RGS8: variants seen among roughly 807,000 people sequenced by gnomAD.
RGS8 encodes the protein regulator of G-protein signaling 8.
Under a neutral mutation model 21.7 loss-of-function variants are expected in RGS8, and 8 were observed. The ratio of observed to expected loss-of-function variants is 0.37; its 90% CI spans 0.22 to 0.66. RGS8 has a LOEUF of 0.66. Among genes scored for constraint, RGS8 ranks in the 30% least tolerant of loss-of-function variants. The pLI, the probability that RGS8 is intolerant of heterozygous loss-of-function variation, is 0.59. For synonymous variants in RGS8, 80 were observed against 83.6 expected (o/e 0.96, Z 0.24); for missense variants, 157 against 217.9 (o/e 0.72, Z 1.76).
chr1:182,642,901 T>G (rs1662529303), downstream of RGS8: 1 of 152,096 alleles, frequency 6.6e-6, no homozygotes, highest in Non-Finnish European at 1.5e-5. Flanking sequence ...CTACTATTAT[T>G]ATTACCACGA....
the RGS8 span, among the ~76,000 whole-genome samples, chr1:182,711,407 A>G: frequency 6.6e-6 from 1 of 152,234 alleles, no homozygotes; most frequent in African/African-American, 2.4e-5. Flanking sequence ...AAAATGACAC[A>G]GGTCCCACCT....
intron 5 of RGS8, among the ~76,000 whole-genome samples, chr1:182,650,966 G>A (rs1308073762): frequency 1.3e-5 from 2 of 152,126 alleles, no homozygotes; most frequent in East Asian, 1.9e-4. Flanking sequence ...CTGTCAGGCA[G>A]GTGGAAAATA....
At chr1:182,661,821 C>G (rs1048358396) in intron 5 of RGS8, among the ~76,000 whole-genome samples, 1 of 151,542 alleles carries the variant, frequency 6.6e-6, no homozygotes, top group African/African-American at 2.4e-5. Flanking sequence ...CACACACACA[C>G]ACACACACAC....
At chr1:182,693,045 TATC>T in the RGS8 span, among the ~76,000 whole-genome samples, 1 of 152,072 alleles carries the variant, frequency 6.6e-6, no homozygotes, top group African/African-American at 2.4e-5. Flanking sequence ...ATCTAGGAAA[TATC>T]ATTCTGGGCA....
rs568598497 is a variant in RGS8 at position 182,680,182 on chromosome 1, T to G, written n.221+4174A>C. ...GGTTAGTCACAAACATGACTGCATT[T>G]CCTTCTCCTCAAAACCTTTAAGCCC... On this transcript the variant is annotated intron_variant and non_coding_transcript_variant, in intron 1 of 4. Coordinates refer to the RGS8 transcript ENST00000515211. Among the ~76,000 whole-genome samples, 98 of 152,240 alleles carry G rather than the reference T, an allele frequency of 6.4e-4. 1 individual carries two copies. Among genetic ancestry groups the G allele is most frequent in the African/African-American group, 2.3e-3 (96 of 41,534 alleles).
At chr1:182,743,822 AAC>A in the RGS8 span, among the ~76,000 whole-genome samples, 1 of 152,216 alleles carries the variant, frequency 6.6e-6, no homozygotes, top group Non-Finnish European at 1.5e-5. Flanking sequence ...ACATGCATAC[AAC>A]ACACATGCAT....
At chr1:182,663,643 G>A (rs1436130313) in intron 5 of RGS8, among the ~76,000 whole-genome samples, 3 of 152,078 alleles carry the variant, frequency 2.0e-5, no homozygotes, top group Non-Finnish European at 4.4e-5. Context: ...AAATCCTCCT[G>A]CCTCAGCCTC....
the RGS8 span, among the ~76,000 whole-genome samples, chr1:182,716,832 A>C: frequency 6.6e-6 from 1 of 152,154 alleles, no homozygotes; most frequent in Non-Finnish European, 1.5e-5. Context: ...CACCACCTAG[A>C]TTCACCTTGA....
At chr1:182,660,947 T>C (rs951411390) in intron 5 of RGS8, among the ~76,000 whole-genome samples, 2 of 151,846 alleles carry the variant, frequency 1.3e-5, no homozygotes, top group Non-Finnish European at 2.9e-5. Flanking sequence ...TTCTAGAACC[T>C]TTTGGCTTGG....
At chr1:182,704,429 G>A in the RGS8 span, among the ~76,000 whole-genome samples, 1 of 152,120 alleles carries the variant, frequency 6.6e-6, no homozygotes, top group Admixed American at 6.5e-5. Context: ...TCTATTCCCG[G>A]AATCTGCATT....
At chr1:182,721,148 G>C in the RGS8 span, among the ~76,000 whole-genome samples, 1 of 149,742 alleles carries the variant, frequency 6.7e-6, no homozygotes, top group East Asian at 2.0e-4. Context: ...GTCTTCTTTA[G>C]TCTGATAAAG....
chr1:182,742,044 C>T, the RGS8 span, among the ~76,000 whole-genome samples: 1 of 146,622 alleles, frequency 6.8e-6, no homozygotes, highest in Non-Finnish European at 1.5e-5. Context: ...CGGGCAGAGA[C>T]GCTCCTCACA....
upstream of RGS8, among the ~76,000 whole-genome samples, chr1:182,684,948 G>A (rs922454887): frequency 3.3e-5 from 5 of 152,180 alleles, no homozygotes; most frequent in African/African-American, 4.8e-5. This position sits in a 1 kb window ranked among gnomAD's most constrained non-coding sequence, Gnocchi z 4.2. Context: ...GATGGCGAAG[G>A]GGGAAAGATA....
At chr1:182,733,192 C>T in the RGS8 span, among the ~76,000 whole-genome samples, 1 of 152,210 alleles carries the variant, frequency 6.6e-6, no homozygotes, top group Non-Finnish European at 1.5e-5. Flanking sequence ...GTGTCTGGTA[C>T]ATGTGTTATA....
At chr1:182,717,746 G>T in the RGS8 span, among the ~76,000 whole-genome samples, 2 of 152,092 alleles carry the variant, frequency 1.3e-5, no homozygotes, top group African/African-American at 4.8e-5. Context: ...TCCCCCATAA[G>T]AAGTAAACTC....
At chr1:182,748,799 A>G in the RGS8 span, among the ~76,000 whole-genome samples, 1 of 152,114 alleles carries the variant, frequency 6.6e-6, no homozygotes, top group Non-Finnish European at 1.5e-5. Context: ...TGTTCATTCT[A>G]ACTGGGTGAA....
the RGS8 span, among the ~76,000 whole-genome samples, chr1:182,724,904 A>C: frequency 0.022 from 3,298 of 152,282 alleles, 137 homozygotes; most frequent in African/African-American, 0.075. Flanking sequence ...CCAAAGCTTT[A>C]GGCATTGATA....
intron 5 of RGS8, among the ~76,000 whole-genome samples, chr1:182,651,540 T>A (rs1663016814): frequency 6.6e-6 from 1 of 152,220 alleles, no homozygotes. Context: ...ACTGAATATA[T>A]ATATCACTTT....
chr1:182,654,568 G>A (rs538151), intron 5 of RGS8, among the ~76,000 whole-genome samples: 182 of 152,278 alleles, frequency 1.2e-3, no homozygotes, highest in African/African-American at 3.9e-3. Context: ...GAATTTAGAG[G>A]CTAGTCTAGT....
Sources: gnomAD v4.1 joint callset for allele counts (sites outside exome capture counted in the v4.1 genomes callset) on GRCh38, gnomAD v4.1.1 for gene constraint, Gnocchi (gnomAD v3.1) non-coding constraint, MANE v1.5 for transcripts, NCBI Gene and HGNC (gene_info 2026-07-23, HGNC 2026-07-21) for gene names.